Variants in SRGAP2 observed in about 807,000 individuals in gnomAD.
The protein encoded by SRGAP2 is SLIT-ROBO Rho GTPase activating protein 2, also known as SLIT-ROBO Rho GTPase-activating protein 2.
Under a neutral mutation model 57.2 loss-of-function variants are expected in SRGAP2, and 15 were observed. That is an observed-to-expected ratio of 0.26 (90% CI 0.18 to 0.40). The LOEUF is 0.40. Among genes scored for constraint, SRGAP2 ranks in the 10% least tolerant of loss-of-function variants. The pLI is 1.00. For synonymous variants in SRGAP2, 249 were observed against 248.0 expected, an observed-to-expected ratio of 1.00 and a Z score of -0.04; for missense variants, 520 against 669.6, an observed-to-expected ratio of 0.78 and a Z score of 2.47.
chr1:206,291,051 A>T (rs1671290711), intron 2 of SRGAP2, among the ~76,000 whole-genome samples: 1 of 151,386 alleles, frequency 6.6e-6, no homozygotes, highest in Non-Finnish European at 1.5e-5. Flanking sequence ...GAGAATGAGG[A>T]TTCTTAATTT....
At chr1:206,259,435 C>T (rs539179894) in intron 2 of SRGAP2, among the ~76,000 whole-genome samples, 3,177 of 150,400 alleles carry the variant, frequency 0.021, 105 homozygotes, top group African/African-American at 0.074. Flanking sequence ...CTTCTGGGCT[C>T]GAGTGATCCT....
intron 3 of SRGAP2, among the ~76,000 whole-genome samples, chr1:206,327,024 T>C (rs1252562571): frequency 1.3e-5 from 2 of 151,634 alleles, no homozygotes; most frequent in East Asian, 1.9e-4. Flanking sequence ...CAAGACCCCA[T>C]CTCTGCAAAA....
intron 3 of SRGAP2, among the ~76,000 whole-genome samples, chr1:206,335,281 CCT>C (rs1674692543): frequency 6.6e-6 from 1 of 151,720 alleles, no homozygotes; most frequent in South Asian, 2.1e-4. Context: ...GGTTTAAAAG[CCT>C]CTTTATTCAT....
At chr1:206,304,438 T>C (rs1218872585) in intron 3 of SRGAP2, among the ~76,000 whole-genome samples, 1 of 139,256 alleles carries the variant, frequency 7.2e-6, no homozygotes, top group African/African-American at 2.8e-5. Flanking sequence ...CTGGGCCACA[T>C]TGGAAGAAGA....
chr1:206,452,522 T>C (rs1663405176), intron 19 of SRGAP2, among the ~76,000 whole-genome samples: 1 of 152,158 alleles, frequency 6.6e-6, no homozygotes, highest in African/African-American at 2.4e-5. Context: ...TGCTTAAAAA[T>C]ATAGTATGGC....
intron 2 of SRGAP2, among the ~76,000 whole-genome samples, chr1:206,268,081 ATTTTTTTTT>A (rs71568075): frequency 1.4e-5 from 2 of 145,290 alleles, no homozygotes; most frequent in African/African-American, 2.6e-5. Flanking sequence ...ATATATATAT[ATTTTTTTTT>A]TTTTTTAAAT....
intron 22 of SRGAP2, among the ~76,000 whole-genome samples, chr1:206,460,678 C>G (rs1243359662): frequency 6.6e-6 from 1 of 152,092 alleles, no homozygotes; most frequent in African/African-American, 2.4e-5. Context: ...TAACAAATCC[C>G]CATGTACTCA....
rs782774483 is a variant in SRGAP2 at position 206,458,452 on chromosome 1, G to A, written c.2508-171G>A. The A allele has an allele frequency of 2.7e-5, 19 of 715,560 alleles. No homozygotes were observed. The South Asian group carries it at 2.8e-4, about 11-fold the overall frequency. 44.3% of individuals were successfully genotyped at this position (715,560 alleles called of 1,614,324 possible). A position where few individuals can be genotyped will look rare whatever the true frequency, so the allele number is the denominator to read the frequency against. On this transcript the variant is annotated intron_variant, in intron 21 of 22. Coordinates refer to ENST00000573034, the MANE Select transcript of SRGAP2 (RefSeq NM_015326.5). ...CTTCACCCAGCTTGGGGGTGGCAAGGGAATGAAGACATGGAGAATGCAAGA... is the reference window on the plus strand; with the variant it reads ...CTTCACCCAGCTTGGGGGTGGCAAGAGAATGAAGACATGGAGAATGCAAGA...
intron 5 of SRGAP2, among the ~76,000 whole-genome samples, chr1:206,389,718 A>G (rs1323392209): frequency 1.3e-5 from 2 of 150,202 alleles, no homozygotes; most frequent in Non-Finnish European, 3.0e-5. Context: ...TTTTTTTCCT[A>G]TTATTTTAGT....
intron 5 of SRGAP2, among the ~76,000 whole-genome samples, chr1:206,388,328 A>G (rs1490396452): frequency 1.3e-5 from 2 of 152,330 alleles, no homozygotes; most frequent in Middle Eastern, 3.4e-3. Flanking sequence ...ATGGCACTTA[A>G]TAGTCTCTCA....
At chr1:206,213,841 TC>T (rs199660055) in intron 2 of SRGAP2, among the ~76,000 whole-genome samples, 6,085 of 151,054 alleles carry the variant, frequency 0.04, 109 homozygotes, top group African/African-American at 0.044. Context: ...ATCGCTTGAA[TC>T]CAGGAGGCAG....
intron 15 of SRGAP2, chr1:206,437,539 A>G (rs1451371120): frequency 5.4e-6 from 1 of 185,022 alleles, no homozygotes; most frequent in Non-Finnish European, 1.1e-5. Context: ...CTCTGGCATG[A>G]TTGTTCTGTA....
chr1:206,453,514 G>C (rs1026881495), intron 20 of SRGAP2, 134 bp downstream of exon 20: 4 of 421,928 alleles, frequency 9.5e-6, no homozygotes, highest in South Asian at 9.1e-5. Context: ...GGCTCACACA[G>C]TTCCTTGAAG....
intron 3 of SRGAP2, among the ~76,000 whole-genome samples, chr1:206,319,214 A>G (rs1168343006): frequency 1.5e-3 from 226 of 147,954 alleles, no homozygotes; most frequent in Non-Finnish European, 1.9e-3. Flanking sequence ...GATCGAGACC[A>G]TCCTGGCTAA....
At chr1:206,348,271 T>A (rs1281970634) in intron 4 of SRGAP2, among the ~76,000 whole-genome samples, 7 of 151,450 alleles carry the variant, frequency 4.6e-5, no homozygotes, top group Non-Finnish European at 1.0e-4. Flanking sequence ...TCTCCTTTCA[T>A]GTAATGAAAG....
chr1:206,450,070 TAGAG>T (rs1446530536), intron 18 of SRGAP2, among the ~76,000 whole-genome samples: 4 of 152,230 alleles, frequency 2.6e-5, no homozygotes, highest in African/African-American at 4.8e-5. Flanking sequence ...TGAATTCACA[TAGAG>T]AATCAGACCT....
chr1:206,335,669 G>A (rs1423018635), intron 3 of SRGAP2, among the ~76,000 whole-genome samples: 3 of 151,196 alleles, frequency 2.0e-5, no homozygotes, highest in Non-Finnish European at 2.9e-5. Context: ...AAGACATCAG[G>A]GACTCAGAGA....
At chr1:206,369,796 A>G (rs1270857578) in intron 4 of SRGAP2, among the ~76,000 whole-genome samples, 1 of 152,234 alleles carries the variant, frequency 6.6e-6, no homozygotes, top group Non-Finnish European at 1.5e-5. Context: ...ACCCTCATAC[A>G]TTGCTGGTAA....
intron 3 of SRGAP2, among the ~76,000 whole-genome samples, chr1:206,342,379 C>T (rs1344592986): frequency 2.0e-5 from 3 of 151,736 alleles, no homozygotes; most frequent in African/African-American, 7.3e-5. Flanking sequence ...CTGGTCTAGC[C>T]AGACAATGCA....
Sources: allele counts gnomAD v4.1 joint callset (sites outside exome capture counted in the v4.1 genomes callset), GRCh38; gene constraint gnomAD v4.1.1; transcripts MANE v1.5; gene names NCBI Gene and HGNC (gene_info 2026-07-23, HGNC 2026-07-21).